Variants in NOX4 observed in about 807,000 individuals in gnomAD.
NOX4 encodes the protein kidney oxidase-1.
A neutral mutation model predicts 87.6 loss-of-function variants in NOX4; 69 were observed. The ratio of observed to expected loss-of-function variants is 0.79; its 90% CI spans 0.65 to 0.96. NOX4 has a LOEUF of 0.96. NOX4 is among the 40% of genes least tolerant of loss of function. The pLI is 0.00. For synonymous variants in NOX4, 275 were observed against 238.2 expected (o/e 1.15, Z -1.42); for missense variants, 680 against 681.5 (o/e 1.00, Z 0.02).
intron 2 of NOX4, among the ~76,000 whole-genome samples, chr11:89,452,534 C>T (rs1415118690): frequency 6.6e-6 from 1 of 151,968 alleles, no homozygotes. Flanking sequence ...AACCTCCTTT[C>T]TAATGTTTTT....
chr11:89,429,697 C>T (rs1943667552), intron 7 of NOX4, among the ~76,000 whole-genome samples: 1 of 152,104 alleles, frequency 6.6e-6, no homozygotes. Context: ...ATAACAGGCT[C>T]TGAAATTGAG....
chr11:89,461,420 G>A (rs144064536), intron 2 of NOX4, among the ~76,000 whole-genome samples: 13,774 of 151,856 alleles, frequency 0.091, 782 homozygotes, highest in South Asian at 0.2. Context: ...TAAGGCTGGC[G>A]GATCATGAGG....
intron 11 of NOX4, among the ~76,000 whole-genome samples, chr11:89,393,175 T>C (rs747208102): frequency 5.9e-5 from 9 of 152,128 alleles, no homozygotes; most frequent in Non-Finnish European, 1.2e-4. Context: ...GGGGATACTA[T>C]TGGCTTCTAG....
the NOX4 span, among the ~76,000 whole-genome samples, chr11:89,531,435 C>G: frequency 2.0e-5 from 3 of 152,156 alleles, no homozygotes; most frequent in Non-Finnish European, 4.4e-5. Flanking sequence ...AATTTGAATA[C>G]CAAATGCTAG....
At chr11:89,365,678 G>A (rs1938908925) in intron 12 of NOX4, among the ~76,000 whole-genome samples, 1 of 133,630 alleles carries the variant, frequency 7.5e-6, no homozygotes, top group Non-Finnish European at 1.5e-5. Context: ...CCTGGCTTCT[G>A]CAGAAACTGA....
chr11:89,550,160 G>A, the NOX4 span, among the ~76,000 whole-genome samples: 1 of 150,996 alleles, frequency 6.6e-6, no homozygotes, highest in African/African-American at 2.4e-5. Flanking sequence ...GCCAGTATCG[G>A]TTGTTTCCTG....
chr11:89,444,318 T>C (rs1944588729), intron 4 of NOX4, 86 bp from the exon 5 acceptor site: 1 of 1,040,416 alleles, frequency 9.6e-7, no homozygotes, highest in African/African-American at 1.6e-5. Context: ...CCTAAGTAAA[T>C]ACAGGGCCAA....
intron 12 of NOX4, among the ~76,000 whole-genome samples, chr11:89,359,379 ATTTT>A (rs33949541): frequency 1.2e-3 from 149 of 128,734 alleles, no homozygotes; most frequent in African/African-American, 3.9e-3. Context: ...AGCAGTAGGC[ATTTT>A]TTTTTTTTTT....
intron 2 of NOX4, among the ~76,000 whole-genome samples, chr11:89,452,654 T>C (rs1355125643): frequency 6.6e-6 from 1 of 152,134 alleles, no homozygotes; most frequent in African/African-American, 2.4e-5. Flanking sequence ...AATCAAGCTA[T>C]TTTACATATC....
At chr11:89,385,852 A>G (rs973060671) in intron 11 of NOX4, among the ~76,000 whole-genome samples, 45 of 152,144 alleles carry the variant, frequency 3.0e-4, no homozygotes, top group Admixed American at 2.0e-3. Flanking sequence ...AGGGTCTGAG[A>G]AGGTAACCAT....
At chr11:89,505,440 G>C in the NOX4 span, among the ~76,000 whole-genome samples, 2 of 151,894 alleles carry the variant, frequency 1.3e-5, no homozygotes, top group Middle Eastern at 3.4e-3. Flanking sequence ...AAAAGTAAGC[G>C]TAACTTTAAT....
the NOX4 span, among the ~76,000 whole-genome samples, chr11:89,521,655 T>C: frequency 6.6e-6 from 1 of 151,894 alleles, no homozygotes; most frequent in South Asian, 2.1e-4. Context: ...CAAAAGCAAT[T>C]GCTACAAAAA....
intron 2 of NOX4, among the ~76,000 whole-genome samples, chr11:89,470,986 T>C (rs1006959281): frequency 6.6e-6 from 1 of 152,080 alleles, no homozygotes; most frequent in African/African-American, 2.4e-5. Flanking sequence ...ATGGACTCTT[T>C]ATTAATCTTT....
the NOX4 span, among the ~76,000 whole-genome samples, chr11:89,503,640 AC>A: frequency 2.0e-5 from 3 of 151,632 alleles, no homozygotes; most frequent in South Asian, 2.1e-4. Context: ...CTTCCACTGA[AC>A]CCTGGCTCTG....
At chr11:89,440,625 C>T (rs372781706) in intron 6 of NOX4, 63 bp downstream of exon 6, 757 of 1,194,514 alleles carry the variant, frequency 6.3e-4, no homozygotes, top group Non-Finnish European at 7.8e-4. Flanking sequence ...GCGCCCAGTC[C>T]GATAATGCCT....
At chr11:89,438,379 T>C (rs1226745219) in intron 6 of NOX4, among the ~76,000 whole-genome samples, 1 of 115,566 alleles carries the variant, frequency 8.7e-6, no homozygotes, top group Non-Finnish European at 1.6e-5. Context: ...ATATATAATA[T>C]ATAATATATA....
chr11:89,337,144 C>T (rs1385767966), intron 16 of NOX4, among the ~76,000 whole-genome samples: 2 of 151,912 alleles, frequency 1.3e-5, no homozygotes, highest in African/African-American at 4.8e-5. Context: ...CCACATAAAA[C>T]ATTCCCTCAA....
rs1275818655 is a variant in NOX4, at chr11:89,340,126, C to A, written c.1383G>T (p.Trp461Cys). Residue 461 changes from tryptophan to cysteine, a missense_variant, in exon 15 of 18, where the codon TGG becomes TGT. By Grantham distance (215) the Trp-to-Cys change is radical (BLOSUM62 -2). Transcript: ENST00000263317. ...GGAAGGACTGGATATCTCTGCATAC[C>A]CAAATAAAGTATAGTCTTCTAAGCT... ...PYKLRRLYFI[W>C]VCRDIQSFRW... 5 of 1,587,520 alleles carry A rather than the reference C, an allele frequency of 3.1e-6. No individual in the cohort carries two copies. Among genetic ancestry groups the A allele is most frequent in the Non-Finnish European group, 4.3e-6 (5 of 1,171,100 alleles).
intron 7 of NOX4, among the ~76,000 whole-genome samples, chr11:89,423,168 C>T (rs958992617): frequency 3.9e-5 from 6 of 152,046 alleles, no homozygotes; most frequent in African/African-American, 1.4e-4. Flanking sequence ...CTTTTTAATG[C>T]TTTTAATACA....
Sources: gnomAD v4.1 joint callset for allele counts (sites outside exome capture counted in the v4.1 genomes callset) on GRCh38, gnomAD v4.1.1 for gene constraint, MANE v1.5 for transcripts, NCBI Gene and HGNC (gene_info 2026-07-23, HGNC 2026-07-21) for gene names.